UTRN: variants seen among roughly 807,000 people sequenced by gnomAD.
UTRN encodes the protein utrophin, also known as dystrophin-related protein 1.
UTRN carries 283 observed loss-of-function variants against 463.9 expected under a neutral mutation model. That is an observed-to-expected ratio of 0.61 (90% CI 0.55 to 0.67). The LOEUF (loss-of-function observed/expected upper bound fraction) is 0.67, where lower values mean the gene tolerates loss of function less well. UTRN is among the 30% of genes least tolerant of loss of function. The pLI, the probability that UTRN is intolerant of heterozygous loss-of-function variation, is 0.00. For missense variants in UTRN, 3,922 were observed against 4,084.3 expected (o/e 0.96, Z 1.08); for synonymous variants, 1,442 against 1,431.5 (o/e 1.01, Z -0.17).
rs374606797 is a variant in UTRN at position 144,459,227 on chromosome 6, A to C, written c.2580A>C (p.Ala860=). 78 of 1,613,860 alleles carry C rather than the reference A, an allele frequency of 4.8e-5. No homozygotes were observed. The highest frequency in any genetic ancestry group is 6.3e-5 in the Non-Finnish European group (74 of 1,179,976). ...GLHPKIEMAR[A]SCSALMSQPS... ...ACCCCAAAATTGAAATGGCTCGTGCAAGCTGCTCGGCCCTGATGTCTCAGC... is the reference window on the plus strand; with the variant it reads ...ACCCCAAAATTGAAATGGCTCGTGCCAGCTGCTCGGCCCTGATGTCTCAGC... Residue 860 remains alanine (A), a synonymous_variant, in exon 21 of 75, where the codon GCA becomes GCC. Coordinates refer to ENST00000367545, the MANE Select transcript of UTRN (RefSeq NM_007124.3).
chr6:144,794,735 A>G (rs999644253), intron 63 of UTRN, among the ~76,000 whole-genome samples: 1 of 152,188 alleles, frequency 6.6e-6, no homozygotes, highest in Non-Finnish European at 1.5e-5. Context: ...TATTTTCTAC[A>G]GTTCTGGAGG....
chr6:144,787,314 G>C (rs1325170431), intron 61 of UTRN, among the ~76,000 whole-genome samples: 1 of 152,058 alleles, frequency 6.6e-6, no homozygotes, highest in African/African-American at 2.4e-5. Context: ...CTGTCTGTAG[G>C]GTTAATGTGA....
intron 45 of UTRN, among the ~76,000 whole-genome samples, chr6:144,540,674 A>G (rs574874399): frequency 6.6e-5 from 10 of 152,206 alleles, no homozygotes; most frequent in South Asian, 2.1e-4. Flanking sequence ...TGGAAGTTTC[A>G]TCTTATTATT....
At chr6:144,505,553 T>C (rs1794621934) in intron 34 of UTRN, among the ~76,000 whole-genome samples, 1 of 152,210 alleles carries the variant, frequency 6.6e-6, no homozygotes, top group South Asian at 2.1e-4. Context: ...TTCCTTGTAG[T>C]TGTGCGGTTT....
At chr6:144,482,533 G>A (rs543711611) in intron 27 of UTRN, 145 bp downstream of exon 27, 16 of 520,376 alleles carry the variant, frequency 3.1e-5, no homozygotes, top group South Asian at 9.1e-5. Context: ...TCAAATTCTG[G>A]ATTATAAAGA....
chr6:144,483,962 T>C (rs986383345), intron 27 of UTRN, among the ~76,000 whole-genome samples: 2 of 152,228 alleles, frequency 1.3e-5, no homozygotes, highest in Admixed American at 6.5e-5. Context: ...GCATACTTCA[T>C]ATGGAGAGTG....
chr6:144,440,510 G>C (rs1267124767), intron 13 of UTRN, 39 bp downstream of exon 13: 1 of 1,613,164 alleles, frequency 6.2e-7, no homozygotes, highest in Non-Finnish European at 8.5e-7. Flanking sequence ...TGAGGGACCT[G>C]TGGTCTGAGA....
chr6:144,824,780 G>T (rs1350545482), intron 66 of UTRN, among the ~76,000 whole-genome samples: 1 of 146,204 alleles, frequency 6.8e-6, no homozygotes, highest in South Asian at 2.2e-4. Context: ...TGGTGGGGGG[G>T]GGTGTCCCCC....
intron 2 of UTRN, among the ~76,000 whole-genome samples, chr6:144,391,572 A>G (rs1468804805): frequency 6.6e-6 from 1 of 152,212 alleles, no homozygotes; most frequent in African/African-American, 2.4e-5. Flanking sequence ...TTAAGCAATC[A>G]TTATTCGCAA....
chr6:144,461,411 G>A, intron 22 of UTRN, 69 bp downstream of exon 22: 2 of 1,337,666 alleles, frequency 1.5e-6, no homozygotes, highest in Non-Finnish European at 1.9e-6. Context: ...ATTTTGAAAT[G>A]TTTTTTCAGA....
chr6:144,402,689 A>G (rs779342426), intron 2 of UTRN, among the ~76,000 whole-genome samples: 1 of 152,174 alleles, frequency 6.6e-6, no homozygotes, highest in Non-Finnish European at 1.5e-5. Flanking sequence ...AGAGGGAGGA[A>G]GTCACGAATT....
At chr6:144,435,408 A>G (rs1019295216) in intron 9 of UTRN, among the ~76,000 whole-genome samples, 1 of 152,228 alleles carries the variant, frequency 6.6e-6, no homozygotes, top group Non-Finnish European at 1.5e-5. Flanking sequence ...AAATACAATC[A>G]GTACAGCAGC....
At chr6:144,536,942 A>G (rs182773949) in intron 43 of UTRN, among the ~76,000 whole-genome samples, 53 of 152,126 alleles carry the variant, frequency 3.5e-4, no homozygotes, top group Middle Eastern at 3.5e-3. Flanking sequence ...TCCTTGCATC[A>G]TTTAAAATTT....
At chr6:144,582,424 G>A (rs1482432109) in intron 51 of UTRN, among the ~76,000 whole-genome samples, 4 of 152,090 alleles carry the variant, frequency 2.6e-5, no homozygotes, top group Admixed American at 2.0e-4. Flanking sequence ...GTTGATATTT[G>A]CAATGATGTT....
chr6:144,695,253 G>C (rs1194655106), intron 52 of UTRN, among the ~76,000 whole-genome samples: 2 of 152,020 alleles, frequency 1.3e-5, no homozygotes, highest in Non-Finnish European at 1.5e-5. Flanking sequence ...ACCATGGTGT[G>C]GCCATTGGAA....
At chr6:144,823,451 A>G (rs1179098160) in intron 66 of UTRN, among the ~76,000 whole-genome samples, 1 of 152,186 alleles carries the variant, frequency 6.6e-6, no homozygotes, top group Admixed American at 6.5e-5. Flanking sequence ...AACATTGGAG[A>G]AAAACCAGCG....
chr6:144,444,328 C>G lies in UTRN; in HGVS notation c.1560C>G (p.Arg520=). The G allele has an allele frequency of 6.2e-7, 1 of 1,611,632 alleles. No homozygotes were observed. Residue 520 remains arginine (R), a synonymous_variant, in exon 14 of 75, where the codon CGC becomes CGG. Transcript: ENST00000367545. ...CAGTATGCCGTTGGACTGAAGAACG[C>G]TGGAATAGGTTACAAGAAATCAATA... is the stretch of plus-strand genomic sequence containing the variant. ...WTAVCRWTEE[R]WNRLQEINIL...
At chr6:144,460,827 G>A (rs1177518602) in intron 21 of UTRN, among the ~76,000 whole-genome samples, 1 of 152,156 alleles carries the variant, frequency 6.6e-6, no homozygotes, top group Non-Finnish European at 1.5e-5. Context: ...GGAGCTTACA[G>A]CAAGACTGGT....
intron 54 of UTRN, among the ~76,000 whole-genome samples, chr6:144,746,057 G>A (rs940383811): frequency 6.6e-6 from 1 of 151,474 alleles, no homozygotes; most frequent in Non-Finnish European, 1.5e-5. Context: ...CTGGAGTACA[G>A]TGGCACATTA....
Sources: gnomAD v4.1 joint callset for allele counts (sites outside exome capture counted in the v4.1 genomes callset) on GRCh38, gnomAD v4.1.1 for gene constraint, MANE v1.5 for transcripts, NCBI Gene and HGNC (gene_info 2026-07-23, HGNC 2026-07-21) for gene names.